The following SLC4A9 variants were observed in gnomAD, a reference collection of about 807,000 sequenced individuals.
The protein encoded by SLC4A9 is anion exchange protein 4.
In SLC4A9, 102 loss-of-function variants were observed where a neutral mutation model predicts 103.2. The observed-to-expected ratio is 0.99, with a 90% CI of 0.84 to 1.17. SLC4A9 has a LOEUF of 1.17. Ranked by LOEUF, SLC4A9 falls within the 50% of genes most tolerant of loss-of-function variation. The pLI, the probability that SLC4A9 is intolerant of heterozygous loss-of-function variation, is 0.00. For synonymous variants in SLC4A9, 453 were observed against 483.6 expected (o/e 0.94, Z 0.83); for missense variants, 1,091 against 1,193.7 (o/e 0.91, Z 1.27).
In SLC4A9 at chr5:140,371,130, G is replaced by C; in HGVS notation, c.2463G>C (p.Leu821=). ...TGCCTGTGCTCTATGGCATCTTCCT[G>C]TATATGGGGGTGGCAGCGCTCAGCA... ...IPMPVLYGIF[L]YMGVAALSSI... The change falls in exon 18 of 22, where the codon CTG becomes CTC. Residue 821 remains leucine, a synonymous_variant. Coordinates refer to ENST00000506757, the MANE Select transcript of SLC4A9 (RefSeq NM_031467.3). 1 of 1,612,294 alleles carries C rather than the reference G, an allele frequency of 6.2e-7. No individual in the cohort carries two copies. Among genetic ancestry groups the C allele is most frequent in the Non-Finnish European group, 8.5e-7 (1 of 1,179,164 alleles).
Position 140,364,199 on chromosome 5 carries a change from C to T in SLC4A9, c.1388+12C>T, listed in dbSNP as rs1313984724. 18 of 1,561,274 alleles carry T rather than the reference C, an allele frequency of 1.2e-5. No homozygotes were observed. In the Admixed American group the frequency reaches 3.2e-4, roughly 27 times the overall value. On this transcript the variant is annotated intron_variant, in intron 10 of 21. Coordinates refer to ENST00000506757, the MANE Select transcript of SLC4A9 (RefSeq NM_031467.3). The stretch of plus-strand genomic sequence containing the variant: ...TTCTCTTTCAGCAGGTAGGAGAGCT[C>T]CCCCCATCACCGGACCCTCACTAGT...
At chr5:140,360,714 T>C in intron 1 of SLC4A9, 98 bp from the exon 2 acceptor site, 9 of 1,562,760 alleles carry the variant, frequency 5.8e-6, no homozygotes, top group Non-Finnish European at 7.8e-6. Context: ...GGGCCCAGGA[T>C]GCCCTCATTG....
Position 140,366,228 on chromosome 5 carries a change from A to G in SLC4A9, c.1977A>G (p.Leu659=). Reference sequence around the variant, plus strand: ...GTGGCCTTGATGCTTTCCTGGGCCTAGCCACACCAAAGCTCATGGTACCCA... The same window carrying G: ...GTGGCCTTGATGCTTTCCTGGGCCTGGCCACACCAAAGCTCATGGTACCCA... ...LGCGLDAFLG[L]ATPKLMVPRE... is the part of the protein sequence containing the mutation. Residue 659 remains leucine (L), a synonymous_variant, in exon 14 of 22, where the codon CTA becomes CTG. Transcript: ENST00000506757. 1 of 1,604,082 alleles carries G rather than the reference A, an allele frequency of 6.2e-7. No homozygotes were observed.
chr5:140,370,547 T>C (rs1017248213), intron 17 of SLC4A9, among the ~76,000 whole-genome samples: 2 of 149,498 alleles, frequency 1.3e-5, no homozygotes, highest in African/African-American at 4.9e-5. Flanking sequence ...CTGTGAAAAA[T>C]AAAAGAAGAT....
Position 140,360,976 on chromosome 5 carries a change from G to A in SLC4A9, c.391+4G>A. The A allele has an allele frequency of 6.4e-7, 1 of 1,566,732 alleles. No individual in the cohort carries two copies. On this transcript the variant is annotated splice_donor_region_variant and intron_variant, in intron 2 of 21. Coordinates refer to ENST00000506757, the MANE Select transcript of SLC4A9 (RefSeq NM_031467.3). ...CAGAGCCTCCTGGAGCTCGTGGGTAGGCTGGGATCCTTTGCAGGAAGGGCC... is the reference window on the plus strand; with the variant it reads ...CAGAGCCTCCTGGAGCTCGTGGGTAAGCTGGGATCCTTTGCAGGAAGGGCC...
chr5:140,366,597 T>A (rs1213230659), intron 14 of SLC4A9, among the ~76,000 whole-genome samples: 1 of 152,222 alleles, frequency 6.6e-6, no homozygotes, highest in African/African-American at 2.4e-5. Context: ...AGCCTCAATT[T>A]CTTCGTCTAT....
Position 140,362,479 on chromosome 5 carries a change from G to A in SLC4A9, c.754G>A (p.Gly252Arg), listed in dbSNP as rs1315484655. Residue 252 changes from glycine (G) to arginine (R), a missense_variant, in exon 6 of 22, where the codon GGA becomes AGA. Gly to Arg is a moderately radical substitution (Grantham distance 125). Transcript: ENST00000506757. ...CCTTCTCCTGGGCCCCTGTATGCTG[G>A]GAAAGGGCTACCATGAGATGGGACG... ...FCLLLGPCML[G>R]KGYHEMGRAA... 2 of 1,614,024 alleles carry A rather than the reference G, an allele frequency of 1.2e-6. No individual in the cohort carries two copies. The highest frequency in any genetic ancestry group is 2.2e-5 in the South Asian group (2 of 91,088).
rs202157035 is a variant in SLC4A9, at chr5:140,368,553, C to G, written c.2355-34C>G. 5 of 1,601,536 alleles carry G rather than the reference C, an allele frequency of 3.1e-6. No individual in the cohort carries two copies. In the East Asian group the frequency reaches 1.1e-4, roughly 36 times the overall value. On this transcript the variant is annotated intron_variant, in intron 16 of 21. Transcript: ENST00000506757. The stretch of plus-strand genomic sequence containing the variant: ...CAGTCTGGATACCCCAGGGACTCTC[C>G]CAGACCTCAGCTAACTCCTCCCTCT...
Position 140,365,981 on chromosome 5 carries a change from G to A in SLC4A9, c.1858G>A (p.Ala620Thr), listed in dbSNP as rs1388846156. Residue 620 changes from alanine (A) to threonine (T), a missense_variant, in exon 13 of 22, where the codon GCC (alanine) becomes ACC (threonine). Ala to Thr is a moderately conservative substitution (Grantham distance 58). Coordinates refer to ENST00000506757, the MANE Select transcript of SLC4A9 (RefSeq NM_031467.3). ...CCTTACTTCTTTCTTCTTTGCTATG[G>A]CCCTCAAGTGTGTAAAGACCAGCCG... Reference protein sequence around the residue: ...LFLTSFFFAMALKCVKTSRFF... With the variant: ...LFLTSFFFAMTLKCVKTSRFF... 6.2e-6 allele frequency: 10 copies of A among 1,613,932 alleles called. No individual in the cohort carries two copies. Among genetic ancestry groups the A allele is most frequent in the Non-Finnish European group, 7.6e-6 (9 of 1,179,882 alleles).
intron 21 of SLC4A9, among the ~76,000 whole-genome samples, chr5:140,374,419 G>A (rs553541659): frequency 6.6e-6 from 1 of 151,636 alleles, no homozygotes; most frequent in South Asian, 2.1e-4. Context: ...AATTAGCTGG[G>A]TGTGGTGGCA....
In SLC4A9 at chr5:140,362,737, A is replaced by G. The variant is rs565793767; in HGVS notation, c.808-175A>G. On this transcript the variant is annotated intron_variant, in intron 6 of 21. Coordinates refer to ENST00000506757, the MANE Select transcript of SLC4A9 (RefSeq NM_031467.3). Reference sequence around the variant, plus strand: ...GCCCCATTACTGGATGAGTGCTGGCACACTGTAGGCACTCAATAGATACCC... The same window carrying G: ...GCCCCATTACTGGATGAGTGCTGGCGCACTGTAGGCACTCAATAGATACCC... Among the ~76,000 whole-genome samples, 54 of 152,320 alleles carry G rather than the reference A, an allele frequency of 3.5e-4. No individual in the cohort carries two copies. In the South Asian group the frequency reaches 0.01, roughly 29 times the overall value.
At chr5:140,360,526 A>C (rs1766910733) in intron 1 of SLC4A9, 60 bp downstream of exon 1, 1 of 1,450,156 alleles carries the variant, frequency 6.9e-7, no homozygotes. Flanking sequence ...GGAGCCTCCT[A>C]TATGTCCCCC....
In SLC4A9 at chr5:140,372,773, C is replaced by A; in HGVS notation, c.2855C>A (p.Pro952Gln). 6.3e-7 allele frequency: 1 copy of A among 1,578,836 alleles called. No individual in the cohort carries two copies. Among genetic ancestry groups the A allele is most frequent in the East Asian group, 2.3e-5 (1 of 43,768 alleles). ...GAGCTGATGTATCAGCCAAAGGCTC[C>A]AGAAATCAACATTTCTGTGAATTAG... ...DSELMYQPKA[P>Q]EINISVN is the part of the protein sequence containing the mutation. The change falls in exon 21 of 22, where the codon CCA becomes CAA. Residue 952 changes from proline to glutamine, a missense_variant. By Grantham distance (76) the Pro-to-Gln change is moderately conservative. Coordinates refer to ENST00000506757, the MANE Select transcript of SLC4A9 (RefSeq NM_031467.3).
Position 140,367,411 on chromosome 5 carries a change from C to G in SLC4A9, c.2014-9C>G, listed in dbSNP as rs76135428. ...CACTCCAACCTGTCCATGAAATGCC[C>G]TCCTCCAGCCCACACTCCCTGGGCG... On this transcript the variant is annotated splice_polypyrimidine_tract_variant and intron_variant, in intron 14 of 21. Transcript: ENST00000506757. 842 of 1,610,968 alleles carry G rather than the reference C, an allele frequency of 5.2e-4. 8 individuals carry two copies. In the East Asian group the frequency reaches 0.018, roughly 35 times the overall value.
chr5:140,362,595 C>T (rs139854945), intron 6 of SLC4A9, 63 bp downstream of exon 6: 1 of 1,434,544 alleles, frequency 7.0e-7, no homozygotes, highest in Non-Finnish European at 9.8e-7. Flanking sequence ...TGTGTGCACA[C>T]ATGCATACAT....
intron 3 of SLC4A9, 65 bp downstream of exon 3, chr5:140,361,432 C>A (rs1767071506): frequency 7.5e-7 from 1 of 1,326,542 alleles, no homozygotes; most frequent in East Asian, 2.5e-5. Flanking sequence ...ATCTCCCCTG[C>A]ACCTTCCAGG....
chr5:140,363,573 G>A lies in SLC4A9; in HGVS notation c.1079+18G>A. 1 of 1,552,496 alleles carries A rather than the reference G, an allele frequency of 6.4e-7. No homozygotes were observed. The highest frequency in any genetic ancestry group is 8.7e-7 in the Non-Finnish European group (1 of 1,148,034). On this transcript the variant is annotated intron_variant, in intron 8 of 21. Transcript: ENST00000506757. The surrounding 1 kb of genome is among the most constrained non-coding windows in gnomAD (Gnocchi z 4.5). ...ACCGGCAGGTGAGGCGAGCTGGGAG[G>A]AAACAAGGGTAGGTGACCTGGGGGA...
At position 140,363,772 on chromosome 5, in the gene SLC4A9, G is replaced by A; in HGVS notation, c.1124G>A (p.Trp375Ter). The change falls in exon 9 of 22, where the codon TGG becomes TAG. Residue 375 changes from tryptophan to a stop codon, truncating the protein, a stop_gained. Coordinates refer to ENST00000506757, the MANE Select transcript of SLC4A9 (RefSeq NM_031467.3). LOFTEE classifies it high-confidence loss of function. The surrounding 1 kb of genome is among the most constrained non-coding windows in gnomAD (Gnocchi z 4.5). ...LIQDVRRKVP[W>*]YPSDFLDALH... Reference sequence around the variant, plus strand: ...CAGGACGTGCGCAGGAAGGTCCCGTGGTACCCCAGCGATTTCTTGGACGCC... The same window carrying A: ...CAGGACGTGCGCAGGAAGGTCCCGTAGTACCCCAGCGATTTCTTGGACGCC... 1.2e-6 allele frequency: 2 copies of A among 1,613,908 alleles called. No homozygotes were observed. Among genetic ancestry groups the A allele is most frequent in the Non-Finnish European group, 1.7e-6 (2 of 1,179,856 alleles).
At chr5:140,368,419 C>G (rs1768213444) in intron 16 of SLC4A9, among the ~76,000 whole-genome samples, 168 bp from the exon 17 acceptor site, 1 of 152,208 alleles carries the variant, frequency 6.6e-6, no homozygotes, top group South Asian at 2.1e-4. Flanking sequence ...TTCCTCTCCA[C>G]CAATTTTTCA....
Sources: allele counts gnomAD v4.1 joint callset (sites outside exome capture counted in the v4.1 genomes callset), GRCh38; gene constraint gnomAD v4.1.1; non-coding constraint Gnocchi (gnomAD v3.1); transcripts MANE v1.5; gene names NCBI Gene and HGNC (gene_info 2026-07-23, HGNC 2026-07-21).